The following PRKD2 variants were observed in gnomAD, a reference collection of about 807,000 sequenced individuals.
PRKD2 encodes serine/threonine-protein kinase D2.
PRKD2 carries 22 observed loss-of-function variants against 86.0 expected under a neutral mutation model. The observed-to-expected ratio is 0.26, with a 90% confidence interval of 0.18 to 0.37. The LOEUF (loss-of-function observed/expected upper bound fraction) is 0.37. Ranked by LOEUF, PRKD2 falls within the 10% of genes least tolerant of loss-of-function variation. The pLI is 1.00. For missense variants in PRKD2, 818 were observed against 1,199.2 expected (o/e 0.68, Z 4.70); for synonymous variants, 509 against 510.9 (o/e 1.00, Z 0.05).
chr19:46,694,265 C>T, intron 9 of PRKD2, 132 bp from the exon 10 acceptor site: 3 of 1,228,062 alleles, frequency 2.4e-6, no homozygotes, highest in Non-Finnish European at 3.4e-6. Context: ...GACAAGTTCC[C>T]AGTAATTCTA....
Position 46,714,001 on chromosome 19 carries a change from A to G in PRKD2, c.241T>C (p.Phe81Leu). The change falls in exon 2 of 18, where the codon TTC becomes CTC. Residue 81 changes from phenylalanine to leucine, a missense_variant and splice_region_variant. Physicochemically the swap from Phe to Leu is conservative, Grantham distance 22 (BLOSUM62 0). Around this residue, in one of 5 missense-constraint regions of PRKD2, gnomAD observed 403 missense variants for 518.6 expected, o/e 0.78. Transcript: ENST00000291281. ...AGGCCGTAGAAGCCACACTCAGGGAACTGAGGGGCGGGAGAGGGATGTGGC... is the reference window on the plus strand; with the variant it reads ...AGGCCGTAGAAGCCACACTCAGGGAGCTGAGGGGCGGGAGAGGGATGTGGC... ...QLACSIVDQK[F>L]PECGFYGLYD... 2 of 1,613,130 alleles carry G rather than the reference A, an allele frequency of 1.2e-6. No individual in the cohort carries two copies. Among genetic ancestry groups the G allele is most frequent in the Non-Finnish European group, 1.7e-6 (2 of 1,179,552 alleles).
chr19:46,708,308 CTTTTTTTTTTTTTTT>C (rs61231695), intron 3 of PRKD2, among the ~76,000 whole-genome samples: 1 of 82,160 alleles, frequency 1.2e-5, no homozygotes, highest in Non-Finnish European at 2.2e-5. Context: ...GACTGGTGAC[CTTTTTTTTTTTTTTT>C]TTTTTTTTTT....
In PRKD2 at chr19:46,697,243, A is replaced by G; in HGVS notation, c.1240-9T>C. The G allele has an allele frequency of 1.3e-6, 2 of 1,573,230 alleles. No homozygotes were observed. The highest frequency in any genetic ancestry group is 1.7e-6 in the Non-Finnish European group (2 of 1,144,302). Reference sequence around the variant, plus strand: ...CAATAGTGCCGCTTTCTCTGCAGAGATGTTTGAAGAGTCACGTGAACCGCC... The same window carrying G: ...CAATAGTGCCGCTTTCTCTGCAGAGGTGTTTGAAGAGTCACGTGAACCGCC... On this transcript the variant is annotated splice_polypyrimidine_tract_variant and intron_variant, in intron 8 of 17. Coordinates refer to ENST00000291281, the MANE Select transcript of PRKD2 (RefSeq NM_016457.5).
chr19:46,690,474 A>T, intron 13 of PRKD2, 126 bp downstream of exon 13: 1 of 772,804 alleles, frequency 1.3e-6, no homozygotes, highest in Non-Finnish European at 2.2e-6. Flanking sequence ...TGCTAAGAAC[A>T]CCTTCTCCCC....
chr19:46,697,583 T>C, intron 8 of PRKD2, 150 bp downstream of exon 8: 1 of 700,736 alleles, frequency 1.4e-6, no homozygotes, highest in East Asian at 2.7e-5. Flanking sequence ...ACACTTCTAA[T>C]TCTAGCCCCG....
intron 9 of PRKD2, among the ~76,000 whole-genome samples, chr19:46,695,987 C>T (rs762008662): frequency 6.6e-6 from 1 of 152,016 alleles, no homozygotes; most frequent in Non-Finnish European, 1.5e-5. Context: ...TATAGGCACC[C>T]GCCACCATGC....
At position 46,678,218 on chromosome 19, in the gene PRKD2, T is replaced by C. The variant is rs2122550875; in HGVS notation, c.2338+178A>G. ...TAGTCTAGGCCTGAGTCCCAGCCCA[T>C]CTTTTACAGGACGGCTCCTCCTGTA... is the stretch of plus-strand genomic sequence containing the variant. On this transcript the variant is annotated intron_variant, in intron 16 of 17. Transcript: ENST00000291281. This position sits in a 1 kb window ranked among gnomAD's most constrained non-coding sequence, Gnocchi z 5.7. 1 of 1,013,990 alleles carries C rather than the reference T, an allele frequency of 9.9e-7. No individual in the cohort carries two copies. Among genetic ancestry groups the C allele is most frequent in the South Asian group, 1.7e-5 (1 of 59,840 alleles). The allele number at this position is 1,013,990 out of a possible 1,614,324, so 62.8% of individuals were successfully genotyped here.
At chr19:46,682,457 C>T (rs963110784) in intron 14 of PRKD2, among the ~76,000 whole-genome samples, 4 of 152,014 alleles carry the variant, frequency 2.6e-5, no homozygotes, top group African/African-American at 9.7e-5. Context: ...CTGCGCCTGG[C>T]CCCATCCATG....
rs1368831753 is a variant in PRKD2, at chr19:46,678,974, G to A, written c.2071-311C>T. Among the ~76,000 whole-genome samples, 2 of 152,202 alleles carry A rather than the reference G, an allele frequency of 1.3e-5. No individual in the cohort carries two copies. Among genetic ancestry groups the A allele is most frequent in the Admixed American group, 1.3e-4 (2 of 15,278 alleles). On this transcript the variant is annotated intron_variant, in intron 15 of 17. Coordinates refer to ENST00000291281, the MANE Select transcript of PRKD2 (RefSeq NM_016457.5). The surrounding 1 kb of genome is among the most constrained non-coding windows in gnomAD (Gnocchi z 5.7). ...AGTTGGTGCACAATAAATGCTAGCT[G>A]CTGCTATACCTCTGCCACCTCCAAT... is the stretch of plus-strand genomic sequence containing the variant.
intron 1 of PRKD2, among the ~76,000 whole-genome samples, chr19:46,715,854 T>C (rs1216798011): frequency 6.6e-6 from 1 of 151,974 alleles, no homozygotes; most frequent in Non-Finnish European, 1.5e-5. Flanking sequence ...TACACCTGGC[T>C]GGCCCCTCCC....
At chr19:46,710,884 G>T in intron 3 of PRKD2, 23 bp downstream of exon 3, 1 of 590,902 alleles carries the variant, frequency 1.7e-6, no homozygotes. Flanking sequence ...CCCAGGCCCC[G>T]CCCCCAACCC....
chr19:46,713,128 C>G (rs2053831607), intron 2 of PRKD2, among the ~76,000 whole-genome samples: 3 of 151,732 alleles, frequency 2.0e-5, no homozygotes, highest in Non-Finnish European at 4.4e-5. Flanking sequence ...AAGAAATCCT[C>G]CCACCTCAGC....
rs2053164758 is a variant in PRKD2, at chr19:46,674,508, C to G, written c.*15G>C. The G allele has an allele frequency of 1.2e-6, 2 of 1,602,902 alleles. No homozygotes were observed. Among genetic ancestry groups the G allele is most frequent in the Non-Finnish European group, 1.7e-6 (2 of 1,173,236 alleles). On this transcript the variant is annotated 3_prime_UTR_variant, in exon 18 of 18. Coordinates refer to ENST00000291281, the MANE Select transcript of PRKD2 (RefSeq NM_016457.5). ...ACCGCTGTGGAGGGCAGCAGCTGGA[C>G]GAGGGCACAGGACCTCAGAGAACAC...
chr19:46,676,809 C>T (rs1300530614), intron 16 of PRKD2, among the ~76,000 whole-genome samples: 2 of 152,194 alleles, frequency 1.3e-5, no homozygotes, highest in African/African-American at 4.8e-5. Context: ...CCTGCAATCC[C>T]AGCACTTTGG....
chr19:46,693,739 C>A lies in PRKD2; in HGVS notation c.1576+136G>T, dbSNP rs1285888898. ...CAGGAGTGATTAACAGAGTTTGAAC[C>A]CAGGCCTGCTGAGTCCAGAAGCTGC... On this transcript the variant is annotated intron_variant, in intron 10 of 17. Coordinates refer to ENST00000291281, the MANE Select transcript of PRKD2 (RefSeq NM_016457.5). This position sits in a 1 kb window ranked among gnomAD's most constrained non-coding sequence, Gnocchi z 4.5. 6 of 1,309,590 alleles carry A rather than the reference C, an allele frequency of 4.6e-6. No individual in the cohort carries two copies. Among genetic ancestry groups the A allele is most frequent in the Non-Finnish European group, 5.2e-6 (5 of 963,232 alleles). 81.1% of individuals were successfully genotyped at this position (1,309,590 alleles called of 1,614,324 possible). A position where few individuals can be genotyped will look rare whatever the true frequency, so the allele number is the denominator to read the frequency against.
chr19:46,683,873 ATTTG>A (rs1018299081), intron 14 of PRKD2, among the ~76,000 whole-genome samples: 2 of 151,906 alleles, frequency 1.3e-5, no homozygotes, highest in African/African-American at 2.4e-5. Flanking sequence ...TGGTAAATAT[ATTTG>A]TTTGTGTCTC....
intron 5 of PRKD2, 26 bp from the exon 6 acceptor site, chr19:46,701,138 G>A (rs373016535): frequency 1.2e-5 from 19 of 1,606,570 alleles, no homozygotes; most frequent in Middle Eastern, 1.7e-4. Context: ...ACAAGGGAAC[G>A]GGTGAGAAGG....
chr19:46,680,117 TTGAAGCC>T (rs1386455708), intron 15 of PRKD2, among the ~76,000 whole-genome samples: 1 of 152,070 alleles, frequency 6.6e-6, no homozygotes, highest in African/African-American at 2.4e-5. Context: ...CCCCAAATCC[TTGAAGCC>T]TGAAGCCTCT....
At chr19:46,680,947 T>TATATATATATATATA (rs1555826536) in intron 15 of PRKD2, among the ~76,000 whole-genome samples, 13 of 33,204 alleles carry the variant, frequency 3.9e-4, no homozygotes, top group African/African-American at 5.3e-4. Context: ...TATATATATA[T>TATATATATATATATA]TTTTTTTTTT....
Sources: allele counts gnomAD v4.1 joint callset (sites outside exome capture counted in the v4.1 genomes callset), GRCh38; gene constraint gnomAD v4.1.1; regional missense constraint gnomAD v4.1.1; non-coding constraint Gnocchi (gnomAD v3.1); transcripts MANE v1.5; gene names NCBI Gene and HGNC (gene_info 2026-07-23, HGNC 2026-07-21).